FTCDNL1: variants seen among roughly 807,000 people sequenced by gnomAD.
FTCDNL1 encodes formiminotransferase cyclodeaminase N-terminal like, also known as formiminotransferase N-terminal subdomain-containing protein.
FTCDNL1 carries 11 observed loss-of-function variants against 5.9 expected under a neutral mutation model. The ratio of observed to expected loss-of-function variants is 1.87; its 90% CI spans 1.18 to 3.10. The LOEUF (loss-of-function observed/expected upper bound fraction) is 3.10, where lower values mean the gene tolerates loss of function less well. FTCDNL1 is among the 30% of genes most tolerant of loss of function. The probability of loss-of-function intolerance (pLI) is 0.00; values close to 1 mark genes in which losing one functional copy is unlikely to be tolerated. For synonymous variants in FTCDNL1, 58 were observed against 24.8 expected, an observed-to-expected ratio of 2.34 and a Z score of -3.99; for missense variants, 115 against 65.5, an observed-to-expected ratio of 1.76 and a Z score of -2.61.
At chr2:199,684,130 C>T in the FTCDNL1 span, among the ~76,000 whole-genome samples, 1 of 152,224 alleles carries the variant, frequency 6.6e-6, no homozygotes, top group Non-Finnish European at 1.5e-5. Flanking sequence ...CAGTAATTAT[C>T]TCCATGCCAA....
At chr2:199,788,950 G>T (rs1158151808) in intron 3 of FTCDNL1, among the ~76,000 whole-genome samples, 1 of 150,488 alleles carries the variant, frequency 6.6e-6, no homozygotes, top group Admixed American at 6.6e-5. Flanking sequence ...TTTCATAGCT[G>T]AATATAAGTC....
At chr2:199,680,721 AG>A in the FTCDNL1 span, among the ~76,000 whole-genome samples, 1 of 152,306 alleles carries the variant, frequency 6.6e-6, no homozygotes, top group Non-Finnish European at 1.5e-5. Context: ...ATCCTCAGAG[AG>A]TAGATGGTAT....
At chr2:199,797,833 T>C (rs1030102434) in intron 3 of FTCDNL1, among the ~76,000 whole-genome samples, 1 of 152,224 alleles carries the variant, frequency 6.6e-6, no homozygotes, top group Non-Finnish European at 1.5e-5. Context: ...TCCAATCTGG[T>C]AGCCACAGAA....
the FTCDNL1 span, among the ~76,000 whole-genome samples, chr2:199,726,484 T>C: frequency 6.6e-6 from 1 of 152,218 alleles, no homozygotes; most frequent in African/African-American, 2.4e-5. Context: ...CTTTTTTATT[T>C]GTCCATGTTT....
At chr2:199,813,628 C>G (rs1049699212) in intron 4 of FTCDNL1, among the ~76,000 whole-genome samples, 7 of 152,102 alleles carry the variant, frequency 4.6e-5, no homozygotes, top group Non-Finnish European at 8.8e-5. Context: ...TACTTTGTTA[C>G]CAGGCTGGGT....
At chr2:199,686,407 A>G in the FTCDNL1 span, among the ~76,000 whole-genome samples, 1 of 152,218 alleles carries the variant, frequency 6.6e-6, no homozygotes, top group Non-Finnish European at 1.5e-5. Flanking sequence ...ATAACTCTTT[A>G]TATTTTAGAT....
At chr2:199,804,648 C>T (rs567288648), downstream of FTCDNL1, among the ~76,000 whole-genome samples, 10 of 152,154 alleles carry the variant, frequency 6.6e-5, no homozygotes, top group South Asian at 2.1e-4. Flanking sequence ...GAATAATGTG[C>T]GAATGAGAAG....
At chr2:199,814,647 A>C (rs1307986576) in intron 4 of FTCDNL1, among the ~76,000 whole-genome samples, 1 of 152,226 alleles carries the variant, frequency 6.6e-6, no homozygotes, top group Non-Finnish European at 1.5e-5. Context: ...CAAAGTCTTA[A>C]GTCCTTCATG....
At chr2:199,765,532 T>TATA (rs1553535894) in intron 3 of FTCDNL1, among the ~76,000 whole-genome samples, 27 of 79,600 alleles carry the variant, frequency 3.4e-4, no homozygotes, top group African/African-American at 9.1e-4. Context: ...TTTGTCTTCA[T>TATA]TATATATATA....
chr2:199,716,270 T>C, the FTCDNL1 span, among the ~76,000 whole-genome samples: 1 of 152,154 alleles, frequency 6.6e-6, no homozygotes, highest in African/African-American at 2.4e-5. Flanking sequence ...TTCAGGCCAT[T>C]ACACCAAATA....
At chr2:199,779,320 A>G (rs141766704) in intron 3 of FTCDNL1, among the ~76,000 whole-genome samples, 1 of 152,356 alleles carries the variant, frequency 6.6e-6, no homozygotes, top group East Asian at 1.9e-4. Flanking sequence ...TCCCAAATTT[A>G]CTGGACCAAT....
At chr2:199,763,058 A>G (rs1320270357) in intron 3 of FTCDNL1, among the ~76,000 whole-genome samples, 3 of 152,206 alleles carry the variant, frequency 2.0e-5, no homozygotes, top group Admixed American at 1.3e-4. Flanking sequence ...AGTGAAAGAG[A>G]CATTTCTCAA....
At chr2:199,696,215 T>G in the FTCDNL1 span, among the ~76,000 whole-genome samples, 79 of 152,302 alleles carry the variant, frequency 5.2e-4, 1 homozygote, top group African/African-American at 1.7e-3. Context: ...CCCACCACCC[T>G]GCCACTGTTG....
chr2:199,788,851 G>A (rs1165455811), intron 3 of FTCDNL1, among the ~76,000 whole-genome samples: 1 of 151,880 alleles, frequency 6.6e-6, no homozygotes, highest in Non-Finnish European at 1.5e-5. Context: ...ATGTATAACA[G>A]ATACAGACAG....
In FTCDNL1 at chr2:199,777,821, C is replaced by A. The variant is rs77962906; in HGVS notation, c.212-16986G>T. Among the ~76,000 whole-genome samples, 385 of 152,084 alleles carry A rather than the reference C, an allele frequency of 2.5e-3. 2 individuals are homozygous for A. The highest frequency in any genetic ancestry group is 8.6e-3 in the African/African-American group (358 of 41,506). On this transcript the variant is annotated intron_variant, in intron 3 of 3. Transcript: ENST00000416668. ...AGGGCAGAGGTTCATGTGGCCTGAACCTCCCTCCAGCGCCAAAGGAGGGAG... is the reference window on the plus strand; with the variant it reads ...AGGGCAGAGGTTCATGTGGCCTGAAACTCCCTCCAGCGCCAAAGGAGGGAG...
At chr2:199,746,608 C>A in the FTCDNL1 span, among the ~76,000 whole-genome samples, 1 of 151,556 alleles carries the variant, frequency 6.6e-6, no homozygotes, top group African/African-American at 2.4e-5. Flanking sequence ...GTTTGGCCAC[C>A]GAATGTCAAG....
intron 3 of FTCDNL1, among the ~76,000 whole-genome samples, chr2:199,790,179 G>T (rs761071852): frequency 6.6e-6 from 1 of 151,834 alleles, no homozygotes; most frequent in African/African-American, 2.4e-5. Flanking sequence ...CACTTGAAAG[G>T]CAAAAGAGAC....
the FTCDNL1 span, among the ~76,000 whole-genome samples, chr2:199,692,357 C>T: frequency 1.3e-5 from 2 of 152,096 alleles, no homozygotes; most frequent in Non-Finnish European, 2.9e-5. Context: ...AACCAGGGCT[C>T]GTTTTTTGTA....
chr2:199,686,290 T>C, the FTCDNL1 span, among the ~76,000 whole-genome samples: 1 of 152,354 alleles, frequency 6.6e-6, no homozygotes, highest in African/African-American at 2.4e-5. Flanking sequence ...GGAGTGCAGT[T>C]GGGCTTTGGA....
Sources: gnomAD v4.1 joint callset for allele counts (sites outside exome capture counted in the v4.1 genomes callset) on GRCh38, gnomAD v4.1.1 for gene constraint, MANE v1.5 for transcripts, NCBI Gene and HGNC (gene_info 2026-07-23, HGNC 2026-07-21) for gene names.